The following BNC2 variants were observed in gnomAD, a reference collection of about 807,000 sequenced individuals.
The protein encoded by BNC2 is zinc finger protein basonuclin-2.
BNC2 carries 20 observed loss-of-function variants against 76.3 expected under a neutral mutation model. The observed-to-expected ratio is 0.26, with a 90% CI of 0.18 to 0.38. The LOEUF (loss-of-function observed/expected upper bound fraction) is 0.38, where lower values mean the gene tolerates loss of function less well. BNC2 is among the 10% of genes least tolerant of loss of function. The pLI is 1.00. For synonymous variants in BNC2, 582 were observed against 514.8 expected, an observed-to-expected ratio of 1.13 and a Z score of -1.77; for missense variants, 1,382 against 1,399.8, an observed-to-expected ratio of 0.99 and a Z score of 0.20.
chr9:16,535,252 G>A (rs1818093388), intron 5 of BNC2, among the ~76,000 whole-genome samples: 1 of 151,998 alleles, frequency 6.6e-6, no homozygotes, highest in Non-Finnish European at 1.5e-5. Flanking sequence ...CAAGGCTGAT[G>A]GTAAAGAAAG....
In BNC2 at chr9:16,495,978, G is replaced by C. The variant is rs200649345; in HGVS notation, c.669+56552C>G. ...GGCTGAAATGCAATGGTGTGATCTT[G>C]GCTTACTACAATCTCCACCTCCTGG... is the stretch of plus-strand genomic sequence containing the variant. On this transcript the variant is annotated intron_variant, in intron 5 of 6. Transcript: ENST00000380672. Among the ~76,000 whole-genome samples the C allele has an allele frequency of 1.4e-4, 21 of 149,180 alleles. No homozygotes were observed. The East Asian group carries it at 4.0e-3, about 28-fold the overall frequency.
intron 3 of BNC2, among the ~76,000 whole-genome samples, chr9:16,607,301 GA>G (rs1000887202): frequency 2.0e-5 from 3 of 151,756 alleles, no homozygotes; most frequent in African/African-American, 7.3e-5. Context: ...CTCAGAGAAA[GA>G]AAAAAACAGA....
At chr9:16,738,841 C>T (rs529942968) in intron 1 of BNC2, among the ~76,000 whole-genome samples, 1 of 149,438 alleles carries the variant, frequency 6.7e-6, no homozygotes, top group Non-Finnish European at 1.5e-5. Context: ...CAGCCCCCCG[C>T]CCCGCTCCCT....
In BNC2 at chr9:16,463,509, G is replaced by A. The variant is rs545004070; in HGVS notation, c.670-25985C>T. 1.9e-3 allele frequency among the ~76,000 whole-genome samples: 286 copies of A among 148,164 alleles called. 1 individual carries two copies. Among genetic ancestry groups the A allele is most frequent in the Middle Eastern group, 3.5e-3 (1 of 284 alleles). On this transcript the variant is annotated intron_variant, in intron 5 of 6. Transcript: ENST00000380672. ...GACGGGGTTTCACCGTTTTAGCCAG[G>A]ATGGTCTCAATCTCCTGACCTCGTG...
chr9:16,536,956 A>G (rs540152496), intron 5 of BNC2, among the ~76,000 whole-genome samples: 1 of 152,250 alleles, frequency 6.6e-6, no homozygotes, highest in South Asian at 2.1e-4. Flanking sequence ...TATTACTTTT[A>G]TCAAAACTAA....
At chr9:16,650,547 A>ATTT (rs201099421) in intron 3 of BNC2, among the ~76,000 whole-genome samples, 1 of 151,524 alleles carries the variant, frequency 6.6e-6, no homozygotes, top group African/African-American at 2.4e-5. Context: ...TTATTTCAAA[A>ATTT]TTTTTTTTTA....
In BNC2 at chr9:16,711,049, G is replaced by A. The variant is rs909878861; in HGVS notation, c.330+16748C>T. On this transcript the variant is annotated intron_variant, in intron 3 of 6. Transcript: ENST00000380672. Reference sequence around the variant, plus strand: ...TGCTGTCCCTCGCTCCCTCTAATGAGAGCAGATGAATTAGTGCTACGTGAC... The same window carrying A: ...TGCTGTCCCTCGCTCCCTCTAATGAAAGCAGATGAATTAGTGCTACGTGAC... Among the ~76,000 whole-genome samples the A allele has an allele frequency of 2.0e-5, 3 of 151,930 alleles. No homozygotes were observed. The East Asian group carries it at 5.8e-4, about 30-fold the overall frequency.
At chr9:16,578,532 G>A (rs1819547867) in intron 4 of BNC2, among the ~76,000 whole-genome samples, 1 of 151,914 alleles carries the variant, frequency 6.6e-6, no homozygotes, top group South Asian at 2.1e-4. Flanking sequence ...TGCACCCAAT[G>A]CTGAGTGTAT....
At chr9:16,851,000 A>G (rs1413987696) in intron 1 of BNC2, among the ~76,000 whole-genome samples, 1 of 151,932 alleles carries the variant, frequency 6.6e-6, no homozygotes, top group Non-Finnish European at 1.5e-5. Flanking sequence ...AGAGCATTTT[A>G]AGCTATGACA....
chr9:16,548,868 G>C (rs1455432274), intron 5 of BNC2, among the ~76,000 whole-genome samples: 1 of 151,996 alleles, frequency 6.6e-6, no homozygotes, highest in Non-Finnish European at 1.5e-5. Context: ...GAGAATATTG[G>C]GTTCTTAATA....
chr9:16,575,491 A>G, intron 4 of BNC2: 1 of 959,724 alleles, frequency 1.0e-6, no homozygotes, highest in African/African-American at 1.8e-5. Context: ...GCTGGGTTTA[A>G]AGAAAATTTA....
At chr9:16,847,183 G>T (rs1039376125) in intron 1 of BNC2, among the ~76,000 whole-genome samples, 1 of 152,088 alleles carries the variant, frequency 6.6e-6, no homozygotes. Context: ...AATTAGTTAT[G>T]ACACTAGGAC....
intron 1 of BNC2, among the ~76,000 whole-genome samples, chr9:16,779,424 T>G (rs1271819461): frequency 6.6e-6 from 1 of 152,138 alleles, no homozygotes; most frequent in Non-Finnish European, 1.5e-5. Context: ...GCTATTATCT[T>G]AAACCCAACA....
intron 3 of BNC2, among the ~76,000 whole-genome samples, chr9:16,616,823 G>GGAAGGAAGGAAGGAAGGAAGGAAA (rs1472539348): frequency 2.6e-5 from 4 of 150,950 alleles, no homozygotes; most frequent in Non-Finnish European, 5.9e-5. Flanking sequence ...AAGGAAGAAA[G>GGAAGGAAGGAAGGAAGGAAGGAAA]GAAGGAAGGA....
intron 5 of BNC2, among the ~76,000 whole-genome samples, chr9:16,526,942 T>G (rs947714016): frequency 6.6e-6 from 1 of 152,198 alleles, no homozygotes; most frequent in African/African-American, 2.4e-5. Context: ...TTTTAGTTGG[T>G]ACAGTCAATG....
chr9:16,459,067 G>A (rs979550105), intron 5 of BNC2, among the ~76,000 whole-genome samples: 2 of 152,146 alleles, frequency 1.3e-5, no homozygotes, highest in African/African-American at 2.4e-5. Context: ...CATTAATCAA[G>A]AAGAAATCCT....
chr9:16,606,390 C>G (rs1413791729), intron 3 of BNC2, among the ~76,000 whole-genome samples: 1 of 152,086 alleles, frequency 6.6e-6, no homozygotes, highest in Non-Finnish European at 1.5e-5. Context: ...GGCTCTGTGT[C>G]CCCAACCAAA....
At chr9:16,739,358 C>T (rs942350492) in intron 1 of BNC2, among the ~76,000 whole-genome samples, 1 of 152,144 alleles carries the variant, frequency 6.6e-6, no homozygotes, top group Non-Finnish European at 1.5e-5. Flanking sequence ...AAGACAAAAG[C>T]AGGGTCCAAT....
At chr9:16,708,549 C>G (rs1281666731) in intron 3 of BNC2, among the ~76,000 whole-genome samples, 1 of 151,580 alleles carries the variant, frequency 6.6e-6, no homozygotes, top group African/African-American at 2.4e-5. Flanking sequence ...TGAGAAAGGA[C>G]AAGATGTGTA....
Sources: allele counts gnomAD v4.1 joint callset (sites outside exome capture counted in the v4.1 genomes callset), GRCh38; gene constraint gnomAD v4.1.1; transcripts MANE v1.5; gene names NCBI Gene and HGNC (gene_info 2026-07-23, HGNC 2026-07-21).